Variants in PCDHGA9 observed in about 807,000 individuals in gnomAD.
PCDHGA9 encodes the protein protocadherin gamma subfamily A, 9, also known as protocadherin gamma-A9.
A neutral mutation model predicts 62.5 loss-of-function variants in PCDHGA9; 37 were observed. That is an observed-to-expected ratio of 0.59 (90% CI 0.46 to 0.78). The LOEUF is 0.78. Among genes scored for constraint, PCDHGA9 ranks in the 30% least tolerant of loss-of-function variants. PCDHGA9 has a pLI of 0.00. For synonymous variants in PCDHGA9, 459 were observed against 484.6 expected, an observed-to-expected ratio of 0.95 and a Z score of 0.69; for missense variants, 1,138 against 1,166.2, an observed-to-expected ratio of 0.98 and a Z score of 0.35.
intron 1 of PCDHGA9, chr5:141,407,918 C>T (rs890872713): frequency 1.1e-5 from 5 of 472,514 alleles, no homozygotes. Context: ...GGGCTGCTGT[C>T]CCGCACGGAG....
intron 1 of PCDHGA9, among the ~76,000 whole-genome samples, chr5:141,443,829 A>G (rs1387307023): frequency 6.6e-6 from 1 of 152,228 alleles, no homozygotes; most frequent in Non-Finnish European, 1.5e-5. Flanking sequence ...ATAATTAGGT[A>G]AAATGGGTAA....
intron 1 of PCDHGA9, chr5:141,423,700 G>A (rs753612385): frequency 7.5e-7 from 1 of 1,324,816 alleles, no homozygotes; most frequent in Non-Finnish European, 9.8e-7. Context: ...TTGGTGTCTT[G>A]GCACAAGTCT....
At chr5:141,469,782 G>A (rs760985231) in intron 1 of PCDHGA9, among the ~76,000 whole-genome samples, 8 of 152,204 alleles carry the variant, frequency 5.3e-5, no homozygotes, top group African/African-American at 1.7e-4. Context: ...TTATTACAGC[G>A]TTATTTGTAA....
rs115607451 is a variant in PCDHGA9, at chr5:141,508,636, A to C, written c.2573-2311A>C. Among the ~76,000 whole-genome samples, 998 of 151,746 alleles carry C rather than the reference A, an allele frequency of 6.6e-3. 12 individuals are homozygous for C. The highest frequency in any genetic ancestry group is 0.023 in the African/African-American group (958 of 41,372). ...ACGTGGGTGGGCCGAGCTTCTAGCT[A>C]CTCCGTCAGGCCCTTCCTGTCATTC... On this transcript the variant is annotated intron_variant, in intron 3 of 3. Transcript: ENST00000573521.
chr5:141,417,954 C>G, intron 1 of PCDHGA9: 2 of 1,613,600 alleles, frequency 1.2e-6, no homozygotes, highest in South Asian at 1.1e-5. Flanking sequence ...CTGTGTGAGC[C>G]GATCCGCTAC....
rs1449032006 is a variant in PCDHGA9 at position 141,438,617 on chromosome 5, TATATATATATATATATATAC to T, written c.2424+33243_2424+33262del. 2.9e-3 allele frequency among the ~76,000 whole-genome samples: 107 copies of T among 37,156 alleles called. 1 individual carries two copies. Among genetic ancestry groups the T allele is most frequent in the South Asian group, 0.015 (15 of 996 alleles). 24.4% of individuals were successfully genotyped at this position (37,156 alleles called of 152,430 possible). On this transcript the variant is annotated intron_variant, in intron 1 of 3. Transcript: ENST00000573521. Reference sequence around the variant, plus strand: ...ATATATATATATATATATATATATATATATATATATATATATATACACACACACACACACATATATGTATA... The same window carrying T: ...ATATATATATATATATATATATATATACACACACACACACATATATGTATA...
chr5:141,464,583 C>T (rs768431243), intron 1 of PCDHGA9, among the ~76,000 whole-genome samples: 6 of 152,024 alleles, frequency 3.9e-5, no homozygotes, highest in Admixed American at 2.0e-4. Context: ...TGAGAATGTC[C>T]ATTGTCCCAT....
chr5:141,431,288 C>T lies in PCDHGA9; in HGVS notation c.2424+25912C>T, dbSNP rs2097358193. ...GAGCTACGAGCTCAGCCCGAACACT[C>T]ACTTCTCCCTCATCGTGCAAAATGG... On this transcript the variant is annotated intron_variant, in intron 1 of 3. Transcript: ENST00000573521. This position sits in a 1 kb window ranked among gnomAD's most constrained non-coding sequence, Gnocchi z 4.8. 1 of 1,614,152 alleles carries T rather than the reference C, an allele frequency of 6.2e-7. No individual in the cohort carries two copies. Among genetic ancestry groups the T allele is most frequent in the East Asian group, 2.2e-5 (1 of 44,890 alleles).
intron 1 of PCDHGA9, among the ~76,000 whole-genome samples, chr5:141,453,065 G>A (rs1308047230): frequency 3.3e-5 from 5 of 151,960 alleles, no homozygotes; most frequent in African/African-American, 1.2e-4. Flanking sequence ...TTAGAGTTTT[G>A]CCACACTCTG....
chr5:141,419,645 G>T, intron 1 of PCDHGA9: 1 of 1,612,478 alleles, frequency 6.2e-7, no homozygotes, highest in African/African-American at 1.3e-5. Context: ...GGCCGTGGAC[G>T]CGGACTCGGG....
At position 141,431,321 on chromosome 5, in the gene PCDHGA9, G is replaced by T. The variant is rs112186927; in HGVS notation, c.2424+25945G>T. 1,258 of 1,614,054 alleles carry T rather than the reference G, an allele frequency of 7.8e-4. 11 individuals are homozygous for T. In the African/African-American group the frequency reaches 0.014, roughly 18 times the overall value. Reference sequence around the variant, plus strand: ...CCTCATCGTGCAAAATGGAGCCGACGGTAGTAAGTACCCCGAATTGGTGCT... The same window carrying T: ...CCTCATCGTGCAAAATGGAGCCGACTGTAGTAAGTACCCCGAATTGGTGCT... On this transcript the variant is annotated intron_variant, in intron 1 of 3. Transcript: ENST00000573521. This position sits in a 1 kb window ranked among gnomAD's most constrained non-coding sequence, Gnocchi z 4.8.
At chr5:141,454,249 C>T (rs1215688507) in intron 1 of PCDHGA9, among the ~76,000 whole-genome samples, 3 of 152,192 alleles carry the variant, frequency 2.0e-5, no homozygotes, top group Non-Finnish European at 4.4e-5. Context: ...ATGAAGATGT[C>T]CCAGAGAAAG....
intron 1 of PCDHGA9, chr5:141,418,561 T>C: frequency 1.2e-6 from 2 of 1,614,006 alleles, no homozygotes; most frequent in Non-Finnish European, 1.7e-6. Context: ...TGGTAATAGA[T>C]GCCAATGACA....
chr5:141,430,926 C>A (rs145535410), intron 1 of PCDHGA9: 4 of 1,607,308 alleles, frequency 2.5e-6, no homozygotes, highest in African/African-American at 1.3e-5. Context: ...GGGCTGGAGC[C>A]CCGGGAGCTC....
intron 1 of PCDHGA9, among the ~76,000 whole-genome samples, chr5:141,471,107 G>T (rs1023848236): frequency 1.3e-5 from 2 of 148,554 alleles, no homozygotes; most frequent in East Asian, 2.0e-4. Context: ...AGAGTGCAGT[G>T]GTGCGATCTT....
Position 141,493,836 on chromosome 5 carries a change from A to G in PCDHGA9, c.2425-971A>G, listed in dbSNP as rs1411929024. Among the ~76,000 whole-genome samples the G allele has an allele frequency of 6.6e-6, 1 of 152,194 alleles. No individual in the cohort carries two copies. Among genetic ancestry groups the G allele is most frequent in the Non-Finnish European group, 1.5e-5 (1 of 68,038 alleles). On this transcript the variant is annotated intron_variant, in intron 1 of 3. Transcript: ENST00000573521. This position sits in a 1 kb window ranked among gnomAD's most constrained non-coding sequence, Gnocchi z 4.3. ...ACACTCTCTGCTTCTGGGAGCAAGT[A>G]TGAGTATTAATTACCAGCCCACCCC...
intron 1 of PCDHGA9, chr5:141,422,576 CTCCCGTTTT>C: frequency 6.2e-7 from 1 of 1,614,034 alleles, no homozygotes; most frequent in African/African-American, 1.3e-5. Context: ...AACGATAACC[CTCCCGTTTT>C]TCCTCACTCC....
rs758417744 is a variant in PCDHGA9, at chr5:141,430,916, G to A, written c.2424+25540G>A. On this transcript the variant is annotated intron_variant, in intron 1 of 3. Coordinates refer to ENST00000573521, the MANE Select transcript of PCDHGA9 (RefSeq NM_018921.3). ...GGTGGGCGACATCTCCAGGGACCTG[G>A]GGCTGGAGCCCCGGGAGCTCGCGGA... The A allele has an allele frequency of 1.9e-6, 3 of 1,607,878 alleles. No individual in the cohort carries two copies. The East Asian group carries it at 6.7e-5, about 36-fold the overall frequency.
At chr5:141,462,823 G>A (rs1420321501) in intron 1 of PCDHGA9, among the ~76,000 whole-genome samples, 1 of 152,170 alleles carries the variant, frequency 6.6e-6, no homozygotes, top group African/African-American at 2.4e-5. Flanking sequence ...TTGGACAGCA[G>A]ACATTGTAAA....
Sources: gnomAD v4.1 joint callset for allele counts (sites outside exome capture counted in the v4.1 genomes callset) on GRCh38, gnomAD v4.1.1 for gene constraint, Gnocchi (gnomAD v3.1) non-coding constraint, MANE v1.5 for transcripts, NCBI Gene and HGNC (gene_info 2026-07-23, HGNC 2026-07-21) for gene names.